CCM2: variants seen among roughly 807,000 people sequenced by gnomAD.
CCM2 encodes cerebral cavernous malformations 2 protein.
Under a neutral mutation model 44.9 loss-of-function variants are expected in CCM2, and 25 were observed. The ratio of observed to expected loss-of-function variants is 0.56; its 90% CI spans 0.41 to 0.78. CCM2 has a LOEUF of 0.78. CCM2 is among the 30% of genes least tolerant of loss of function. The pLI is 0.00. For missense variants in CCM2, 481 were observed against 580.6 expected (o/e 0.83, Z 1.76); for synonymous variants, 219 against 241.1 (o/e 0.91, Z 0.85).
chr7:45,067,327 A>AT lies in CCM2; in HGVS notation c.473-1109dup, dbSNP rs567444137. ...AGGCATGAGCCACCACGCCCAGCTAATTTTTTTGTATTTTTAGTAGAGATG... is the reference window on the plus strand; with the variant it reads ...AGGCATGAGCCACCACGCCCAGCTAATTTTTTTTGTATTTTTAGTAGAGATG... On this transcript the variant is annotated intron_variant, in intron 4 of 9. Coordinates refer to ENST00000258781, the MANE Select transcript of CCM2 (RefSeq NM_031443.4). Among the ~76,000 whole-genome samples, 486 of 150,814 alleles carry AT rather than the reference A, an allele frequency of 3.2e-3. 3 individuals are homozygous for AT. The highest frequency in any genetic ancestry group is 0.01 in the Middle Eastern group (3 of 292).
At chr7:45,048,876 G>A (rs1797875692) in intron 2 of CCM2, among the ~76,000 whole-genome samples, 1 of 152,208 alleles carries the variant, frequency 6.6e-6, no homozygotes, top group Non-Finnish European at 1.5e-5. Flanking sequence ...TGGACTCATA[G>A]CAGGCTTGCT....
intron 9 of CCM2, among the ~76,000 whole-genome samples, chr7:45,074,659 T>C (rs544192218): frequency 6.6e-6 from 1 of 152,212 alleles, no homozygotes; most frequent in South Asian, 2.1e-4. Flanking sequence ...GAACTCAAGC[T>C]GAGCTGGGTG....
intron 1 of CCM2, among the ~76,000 whole-genome samples, chr7:45,010,817 C>T (rs1031203637): frequency 4.6e-5 from 7 of 151,962 alleles, no homozygotes; most frequent in African/African-American, 1.7e-4. Context: ...AGGCTGGTCT[C>T]GAACCCCTGA....
intron 2 of CCM2, among the ~76,000 whole-genome samples, chr7:45,045,061 C>T (rs1431023148): frequency 6.6e-6 from 1 of 152,142 alleles, no homozygotes; most frequent in Non-Finnish European, 1.5e-5. Context: ...ATATTTGTAT[C>T]TTATCAGATA....
chr7:45,020,206 T>C (rs891084032), intron 1 of CCM2, among the ~76,000 whole-genome samples: 2 of 152,116 alleles, frequency 1.3e-5, no homozygotes, highest in African/African-American at 4.8e-5. Context: ...CTTTCAAGGG[T>C]CATATAAATT....
At chr7:45,072,691 GA>G in intron 6 of CCM2, 34 bp from the exon 7 acceptor site, 1 of 1,564,998 alleles carries the variant, frequency 6.4e-7, no homozygotes, top group South Asian at 1.1e-5. Flanking sequence ...CTATGTCCCT[GA>G]AAGTCATCTT....
intron 1 of CCM2, among the ~76,000 whole-genome samples, chr7:45,020,198 T>C (rs1400472552): frequency 6.6e-6 from 1 of 152,218 alleles, no homozygotes; most frequent in African/African-American, 2.4e-5. Context: ...GTTCCCTTCT[T>C]TCAAGGGTCA....
rs1454790361 is a variant in CCM2, at chr7:45,000,261, G to A, written c.-73G>A. 1 of 1,007,450 alleles carries A rather than the reference G, an allele frequency of 9.9e-7. No homozygotes were observed. Among genetic ancestry groups the A allele is most frequent in the Non-Finnish European group, 1.2e-6 (1 of 815,224 alleles). The allele number at this position is 1,007,450 out of a possible 1,614,324, so 62.4% of individuals were successfully genotyped here. A position where few individuals can be genotyped will look rare whatever the true frequency, so the allele number is the denominator to read the frequency against. ...AGCGCGGGGGCGGCGGGCCCGGGTC[G>A]AGCATGTAGCGGCTGCTGGCGGCGG... On this transcript the variant is annotated 5_prime_UTR_variant, in exon 1 of 10. Transcript: ENST00000258781.
At chr7:45,040,938 C>A (rs190003520) in intron 2 of CCM2, among the ~76,000 whole-genome samples, 1 of 152,156 alleles carries the variant, frequency 6.6e-6, no homozygotes. Context: ...TGCAGTGAGC[C>A]GAGATCGCAC....
intron 2 of CCM2, among the ~76,000 whole-genome samples, chr7:45,046,361 G>T (rs958823396): frequency 5.9e-5 from 9 of 152,200 alleles, no homozygotes; most frequent in African/African-American, 1.9e-4. Flanking sequence ...AGATCATACT[G>T]CTATCACAAT....
intron 2 of CCM2, among the ~76,000 whole-genome samples, chr7:45,048,852 C>T (rs886301732): frequency 4.6e-5 from 7 of 152,146 alleles, no homozygotes; most frequent in African/African-American, 1.7e-4. Flanking sequence ...GTGGGCTCAC[C>T]TAGTGACTAT....
chr7:45,019,243 A>G (rs1234709058), intron 1 of CCM2, among the ~76,000 whole-genome samples: 1 of 151,700 alleles, frequency 6.6e-6, no homozygotes, highest in African/African-American at 2.4e-5. Flanking sequence ...GGCTAATGAA[A>G]AAAGTTTTTT....
intron 6 of CCM2, chr7:45,070,278 C>T (rs1301383802): frequency 2.0e-5 from 8 of 394,620 alleles, no homozygotes; most frequent in Middle Eastern, 8.2e-4. Flanking sequence ...TTGGAGAAGG[C>T]TCCTAGCACT....
At chr7:45,001,758 TAGGG>T (rs1303457621) in intron 1 of CCM2, among the ~76,000 whole-genome samples, 6 of 151,430 alleles carry the variant, frequency 4.0e-5, no homozygotes, top group African/African-American at 7.3e-5. Context: ...ACCCAGCAAA[TAGGG>T]AGAGAGAGAG....
chr7:45,053,910 C>T (rs1798127974), intron 2 of CCM2, among the ~76,000 whole-genome samples: 1 of 152,214 alleles, frequency 6.6e-6, no homozygotes. Flanking sequence ...ACAGCAGTCC[C>T]ACAATCTCTG....
intron 4 of CCM2, among the ~76,000 whole-genome samples, chr7:45,067,014 C>A (rs1001465607): frequency 6.6e-6 from 1 of 151,930 alleles, no homozygotes; most frequent in African/African-American, 2.4e-5. Context: ...CATTCTCCTG[C>A]CTCAGCCTCC....
Position 45,063,998 on chromosome 7 carries a change from A to G in CCM2, c.285A>G (p.Ala95=), listed in dbSNP as rs769661904. 1 of 1,608,808 alleles carries G rather than the reference A, an allele frequency of 6.2e-7. No individual in the cohort carries two copies. ...RTEILHFIDN[A]KRAHQLPGHL... is the part of the protein sequence containing the mutation. Reference sequence around the variant, plus strand: ...AAATCCTGCATTTCATAGACAATGCAAAGGTAACCCTATCCTCTTAACCCT... The same window carrying G: ...AAATCCTGCATTTCATAGACAATGCGAAGGTAACCCTATCCTCTTAACCCT... Residue 95 remains alanine (A), a synonymous_variant, in exon 3 of 10, where the codon GCA becomes GCG. Transcript: ENST00000258781.
chr7:45,040,545 A>G (rs938394827), intron 2 of CCM2, among the ~76,000 whole-genome samples: 1 of 152,238 alleles, frequency 6.6e-6, no homozygotes. Flanking sequence ...AGTTATTAAG[A>G]CAGTAAAGGA....
At chr7:45,023,961 C>T (rs1256393153) in intron 1 of CCM2, among the ~76,000 whole-genome samples, 1 of 151,858 alleles carries the variant, frequency 6.6e-6, no homozygotes, top group Non-Finnish European at 1.5e-5. Flanking sequence ...CAGACATGTG[C>T]CACCACGCCC....
Sources: allele counts gnomAD v4.1 joint callset (sites outside exome capture counted in the v4.1 genomes callset), GRCh38; gene constraint gnomAD v4.1.1; transcripts MANE v1.5; gene names NCBI Gene and HGNC (gene_info 2026-07-23, HGNC 2026-07-21).